The following RPE65 variants were observed in gnomAD, a reference collection of about 807,000 sequenced individuals.
RPE65 encodes the protein retinoid isomerohydrolase RPE65, also known as retinoid isomerohydrolase.
A neutral mutation model predicts 68.5 loss-of-function variants in RPE65; 58 were observed. The observed-to-expected ratio is 0.85, with a 90% CI of 0.69 to 1.05. The LOEUF is 1.05. RPE65 is among the 50% of genes least tolerant of loss of function. RPE65 has a pLI of 0.00. For synonymous variants in RPE65, 220 were observed against 222.2 expected (o/e 0.99, Z 0.09); for missense variants, 643 against 629.9 (o/e 1.02, Z -0.22).
intron 2 of RPE65, among the ~76,000 whole-genome samples, chr1:68,447,812 T>C (rs894124334): frequency 4.6e-5 from 7 of 151,932 alleles, no homozygotes; most frequent in Non-Finnish European, 8.8e-5. Context: ...ATCATCCCAC[T>C]GCACTCCAGC....
intron 10 of RPE65, among the ~76,000 whole-genome samples, chr1:68,434,585 G>C (rs766520913): frequency 3.9e-5 from 6 of 152,136 alleles, no homozygotes; most frequent in Non-Finnish European, 8.8e-5. Context: ...GTGTGCACAT[G>C]TATGCATATT....
intron 2 of RPE65, among the ~76,000 whole-genome samples, chr1:68,447,604 G>A (rs1440022058): frequency 1.3e-5 from 2 of 152,148 alleles, no homozygotes; most frequent in African/African-American, 4.8e-5. Flanking sequence ...GCTCGCGCTT[G>A]TAATCCCAGC....
At chr1:68,439,703 G>C (rs1645886979) in intron 6 of RPE65, 61 bp from the exon 7 acceptor site, 1 of 1,335,956 alleles carries the variant, frequency 7.5e-7, no homozygotes, top group Admixed American at 1.7e-5. Context: ...TTAATACAAA[G>C]CATTTAGAAC....
rs779361282 is a variant in RPE65, at chr1:68,431,468, C to A, written c.1243+3G>T. ...GTGTGAAGTTTTCTCTAGATCATCT[C>A]ACCTTGACGAGGCCCTGAAAAGAGA... On this transcript the variant is annotated splice_donor_region_variant and intron_variant, in intron 11 of 13. Coordinates refer to ENST00000262340, the MANE Select transcript of RPE65 (RefSeq NM_000329.3). 1 of 1,613,742 alleles carries A rather than the reference C, an allele frequency of 6.2e-7. No homozygotes were observed. The highest frequency in any genetic ancestry group is 1.1e-5 in the South Asian group (1 of 91,068).
intron 10 of RPE65, among the ~76,000 whole-genome samples, chr1:68,432,374 C>T (rs750454753): frequency 3.6e-4 from 54 of 152,000 alleles, no homozygotes; most frequent in African/African-American, 1.3e-3. Flanking sequence ...GAAAAAAGAT[C>T]AGAAACGTGA....
chr1:68,429,704 C>T lies in RPE65; in HGVS notation c.*72G>A, dbSNP rs752506544. 88 of 1,595,436 alleles carry T rather than the reference C, an allele frequency of 5.5e-5. No homozygotes were observed. The highest frequency in any genetic ancestry group is 6.9e-5 in the Non-Finnish European group (80 of 1,166,386). ...TGACATATAGCAGGCTAAAATTGAACAGAATTTGATTGCAGACCTGAAGCT... is the reference window on the plus strand; with the variant it reads ...TGACATATAGCAGGCTAAAATTGAATAGAATTTGATTGCAGACCTGAAGCT... On this transcript the variant is annotated 3_prime_UTR_variant, in exon 14 of 14. Coordinates refer to ENST00000262340, the MANE Select transcript of RPE65 (RefSeq NM_000329.3).
chr1:68,445,941 A>G (rs949888862), intron 3 of RPE65, among the ~76,000 whole-genome samples: 1 of 151,826 alleles, frequency 6.6e-6, no homozygotes, highest in African/African-American at 2.4e-5. Context: ...TTCTATTATC[A>G]TGCAAGTTGT....
At chr1:68,438,878 G>A (rs920004336) in intron 9 of RPE65, 64 bp downstream of exon 9, 41 of 1,603,164 alleles carry the variant, frequency 2.6e-5, no homozygotes, top group Admixed American at 3.3e-5. Flanking sequence ...CAGCAGCTCT[G>A]TAAAAACCCC....
At chr1:68,439,423 G>A (rs1645883988) in intron 7 of RPE65, 100 bp from the exon 8 acceptor site, 1 of 1,560,390 alleles carries the variant, frequency 6.4e-7, no homozygotes, top group Admixed American at 1.7e-5. Flanking sequence ...AGAATCAACA[G>A]TGCCTACATG....
chr1:68,445,980 T>C (rs1645940630), intron 3 of RPE65, among the ~76,000 whole-genome samples: 1 of 151,938 alleles, frequency 6.6e-6, no homozygotes, highest in Non-Finnish European at 1.5e-5. Context: ...TCACTTTTTC[T>C]TTACAGGTCT....
intron 5 of RPE65, among the ~76,000 whole-genome samples, chr1:68,444,196 G>A (rs1645925029): frequency 6.6e-6 from 1 of 152,066 alleles, no homozygotes; most frequent in East Asian, 1.9e-4. Flanking sequence ...AATATGTTAG[G>A]CATTTTATAT....
chr1:68,439,597 G>T lies in RPE65; in HGVS notation c.689C>A (p.Pro230His). The change falls in exon 7 of 14, where the codon CCC becomes CAC. Residue 230 changes from proline (P) to histidine (H), a missense_variant. Transcript: ENST00000262340. ...AGATGGCTTGAATCGGTCACTGCAG[G>T]GGAATTGTACAACGATCTCTGACTT... Reference protein sequence around the residue: ...ISKSEIVVQFPCSDRFKPSYV... With the variant: ...ISKSEIVVQFHCSDRFKPSYV... 2 of 1,613,922 alleles carry T rather than the reference G, an allele frequency of 1.2e-6. No individual in the cohort carries two copies. Among genetic ancestry groups the T allele is most frequent in the Non-Finnish European group, 1.7e-6 (2 of 1,179,854 alleles).
chr1:68,437,580 G>A lies in RPE65; in HGVS notation c.1128+607C>T, dbSNP rs567925046. On this transcript the variant is annotated intron_variant, in intron 10 of 13. Coordinates refer to ENST00000262340, the MANE Select transcript of RPE65 (RefSeq NM_000329.3). Reference sequence around the variant, plus strand: ...AAAGCATATATTCACATACCTATATGTGAGAATTATATTTTATTGATTTTG... The same window carrying A: ...AAAGCATATATTCACATACCTATATATGAGAATTATATTTTATTGATTTTG... 2.6e-4 allele frequency among the ~76,000 whole-genome samples: 40 copies of A among 152,282 alleles called. No homozygotes were observed. The South Asian group carries it at 7.7e-3, about 29-fold the overall frequency.
At chr1:68,438,911 G>T in intron 9 of RPE65, 31 bp downstream of exon 9, 1 of 1,612,748 alleles carries the variant, frequency 6.2e-7, no homozygotes, top group Non-Finnish European at 8.5e-7. Flanking sequence ...AACAATGGGA[G>T]GTGTCCCATT....
chr1:68,448,895 G>A (rs1645962118), intron 1 of RPE65, among the ~76,000 whole-genome samples, 189 bp from the exon 2 acceptor site: 1 of 146,174 alleles, frequency 6.8e-6, no homozygotes, highest in Non-Finnish European at 1.5e-5. Flanking sequence ...AGGAGCACGT[G>A]AGGCTGGGGG....
intron 5 of RPE65, among the ~76,000 whole-genome samples, chr1:68,443,246 C>G (rs947860395): frequency 2.6e-5 from 4 of 152,234 alleles, no homozygotes; most frequent in African/African-American, 9.6e-5. Context: ...TAGTTCTCAA[C>G]TGGGAGTGTT....
chr1:68,438,384 CT>C, intron 9 of RPE65, 68 bp from the exon 10 acceptor site: 1 of 1,571,260 alleles, frequency 6.4e-7, no homozygotes. Context: ...TGATTCTTGC[CT>C]TTTTAAGCAC....
At chr1:68,448,517 C>CGAGA in intron 2 of RPE65, 107 bp downstream of exon 2, 1 of 1,006,598 alleles carries the variant, frequency 9.9e-7, no homozygotes, top group South Asian at 1.3e-5. Flanking sequence ...TGATCCCTCT[C>CGAGA]CCTGTGACCC....
At chr1:68,442,181 C>A (rs1471710648) in intron 5 of RPE65, among the ~76,000 whole-genome samples, 4 of 152,192 alleles carry the variant, frequency 2.6e-5, no homozygotes, top group Admixed American at 2.6e-4. Context: ...TGTGAGTGTG[C>A]AATGGCATCG....
Sources: allele counts gnomAD v4.1 joint callset (sites outside exome capture counted in the v4.1 genomes callset), GRCh38; gene constraint gnomAD v4.1.1; transcripts MANE v1.5; gene names NCBI Gene and HGNC (gene_info 2026-07-23, HGNC 2026-07-21).